IMMP1L: variants seen among roughly 807,000 people sequenced by gnomAD.
The protein encoded by IMMP1L is mitochondrial inner membrane protease subunit 1.
Under a neutral mutation model 21.8 loss-of-function variants are expected in IMMP1L, and 24 were observed. The ratio of observed to expected loss-of-function variants is 1.10; its 90% CI spans 0.80 to 1.55. The LOEUF (loss-of-function observed/expected upper bound fraction) is 1.55. Among genes scored for constraint, IMMP1L ranks in the 40% most tolerant of loss-of-function variants. The pLI is 0.00. For synonymous variants in IMMP1L, 46 were observed against 62.8 expected (o/e 0.73, Z 1.26); for missense variants, 195 against 200.7 (o/e 0.97, Z 0.17).
chr11:31,506,041 T>C (rs914614735), intron 1 of IMMP1L, among the ~76,000 whole-genome samples: 58 of 152,228 alleles, frequency 3.8e-4, no homozygotes, highest in African/African-American at 1.3e-3. Context: ...ACACCCCTGA[T>C]CCGCACACTG....
At chr11:31,479,780 T>C (rs1404247670) in intron 1 of IMMP1L, among the ~76,000 whole-genome samples, 2 of 152,082 alleles carry the variant, frequency 1.3e-5, no homozygotes, top group Non-Finnish European at 2.9e-5. Context: ...GCAGGTCTTA[T>C]ATTTTCCTAT....
At chr11:31,492,754 G>A (rs756240063) in intron 1 of IMMP1L, among the ~76,000 whole-genome samples, 44 of 152,164 alleles carry the variant, frequency 2.9e-4, no homozygotes, top group Non-Finnish European at 5.1e-4. Flanking sequence ...CAGCGAAGGA[G>A]AGCTGGGGGG....
At chr11:31,439,629 T>C (rs916208512) in intron 4 of IMMP1L, among the ~76,000 whole-genome samples, 1 of 152,238 alleles carries the variant, frequency 6.6e-6, no homozygotes, top group African/African-American at 2.4e-5. Context: ...ACTCACTTGC[T>C]GAGTAGATTT....
chr11:31,442,372 C>A (rs1299559644), intron 4 of IMMP1L, among the ~76,000 whole-genome samples: 1 of 152,122 alleles, frequency 6.6e-6, no homozygotes, highest in Non-Finnish European at 1.5e-5. Flanking sequence ...ACAGGTGTTA[C>A]CTTTCTTGAT....
chr11:31,501,788 T>TATAAATAAATAA (rs1399229827), intron 1 of IMMP1L, among the ~76,000 whole-genome samples: 1 of 127,862 alleles, frequency 7.8e-6, no homozygotes, highest in African/African-American at 3.3e-5. Flanking sequence ...ACCCCATCTC[T>TATAAATAAATAA]ACAAATAAAT....
intron 4 of IMMP1L, among the ~76,000 whole-genome samples, chr11:31,455,430 G>A (rs1317548816): frequency 6.6e-6 from 1 of 152,164 alleles, no homozygotes; most frequent in African/African-American, 2.4e-5. Flanking sequence ...GAAGCCATGT[G>A]ACTGGTGAAA....
At chr11:31,484,853 AT>A (rs1955021396) in intron 1 of IMMP1L, among the ~76,000 whole-genome samples, 1 of 151,820 alleles carries the variant, frequency 6.6e-6, no homozygotes, top group Non-Finnish European at 1.5e-5. Flanking sequence ...CTCTTGGCTT[AT>A]TTTTTTCCCA....
chr11:31,442,523 A>G (rs1237774922), intron 4 of IMMP1L, among the ~76,000 whole-genome samples: 2 of 152,224 alleles, frequency 1.3e-5, no homozygotes, highest in Non-Finnish European at 2.9e-5. Flanking sequence ...TTTGACCTTC[A>G]AAAGTTTCAA....
chr11:31,508,860 C>T (rs1039274619), intron 1 of IMMP1L, among the ~76,000 whole-genome samples: 1 of 152,124 alleles, frequency 6.6e-6, no homozygotes, highest in South Asian at 2.1e-4. Flanking sequence ...GTTTTTTCCA[C>T]ACATAAAATT....
rs552732361 is a variant in IMMP1L at position 31,448,580 on chromosome 11, G to C, written c.321+7680C>G. 9.9e-5 allele frequency among the ~76,000 whole-genome samples: 15 copies of C among 152,202 alleles called. No individual in the cohort carries two copies. The East Asian group carries it at 2.9e-3, about 29-fold the overall frequency. Reference sequence around the variant, plus strand: ...CTGCCTCTCTAGATTCATACCAATAGCACTAACTTTATAACTTTTGAGTGG... The same window carrying C: ...CTGCCTCTCTAGATTCATACCAATACCACTAACTTTATAACTTTTGAGTGG... On this transcript the variant is annotated intron_variant, in intron 4 of 5. Coordinates refer to ENST00000532287, the MANE Select transcript of IMMP1L (RefSeq NM_001304274.2).
intron 1 of IMMP1L, among the ~76,000 whole-genome samples, chr11:31,470,993 T>G (rs1954529612): frequency 6.6e-6 from 1 of 152,226 alleles, no homozygotes; most frequent in Non-Finnish European, 1.5e-5. Flanking sequence ...AAGGAGGGAC[T>G]GGCTAACAGA....
At chr11:31,438,989 G>T (rs1330869857) in intron 4 of IMMP1L, among the ~76,000 whole-genome samples, 2 of 152,084 alleles carry the variant, frequency 1.3e-5, no homozygotes. Flanking sequence ...ACACTTTAAA[G>T]ATTTCATTTT....
At position 31,463,200 on chromosome 11, in the gene IMMP1L, G is replaced by A; in HGVS notation, c.77C>T (p.Ala26Val). ...GACAACACCACCAACGTATTCAAAAGCACAATGAGCTATACAGCCATATTG... is the reference window on the plus strand; with the variant it reads ...GACAACACCACCAACGTATTCAAAAACACAATGAGCTATACAGCCATATTG... ...TIQYGCIAHC[A>V]FEYVGGVVMC... Residue 26 changes from alanine (A) to valine (V), a missense_variant, in exon 2 of 6, where the codon GCT (alanine) becomes GTT (valine). Coordinates refer to ENST00000532287, the MANE Select transcript of IMMP1L (RefSeq NM_001304274.2). 1 of 1,609,266 alleles carries A rather than the reference G, an allele frequency of 6.2e-7. No homozygotes were observed. The highest frequency in any genetic ancestry group is 1.1e-5 in the South Asian group (1 of 90,028).
At chr11:31,479,817 A>G (rs1954834517) in intron 1 of IMMP1L, among the ~76,000 whole-genome samples, 1 of 152,062 alleles carries the variant, frequency 6.6e-6, no homozygotes, top group Non-Finnish European at 1.5e-5. Context: ...AAATGGTGCA[A>G]CTAATAAAAA....
intron 1 of IMMP1L, among the ~76,000 whole-genome samples, chr11:31,501,113 A>T (rs932441248): frequency 2.6e-5 from 4 of 152,226 alleles, no homozygotes; most frequent in African/African-American, 9.6e-5. Flanking sequence ...TGTACTGGAC[A>T]GTGCAGATAC....
At chr11:31,497,108 A>C (rs919803540) in intron 1 of IMMP1L, among the ~76,000 whole-genome samples, 2 of 151,318 alleles carry the variant, frequency 1.3e-5, no homozygotes, top group East Asian at 1.9e-4. Flanking sequence ...ATGATTTTCA[A>C]CCTTATAATG....
In IMMP1L at chr11:31,433,622, A is replaced by G. The variant is rs755830243; in HGVS notation, c.322-52T>C. On this transcript the variant is annotated intron_variant, in intron 4 of 5. Transcript: ENST00000532287. ...CTTAAAGATAAAACCTAATTTGGGT[A>G]CTATAATTAAAAAGCATGTCATTCA... 3.3e-5 allele frequency: 37 copies of G among 1,126,278 alleles called. No individual in the cohort carries two copies. The Admixed American group carries it at 5.3e-4, about 16-fold the overall frequency. 69.8% of individuals were successfully genotyped at this position (1,126,278 alleles called of 1,614,324 possible). A position where few individuals can be genotyped will look rare whatever the true frequency, so the allele number is the denominator to read the frequency against.
intron 1 of IMMP1L, among the ~76,000 whole-genome samples, chr11:31,486,039 T>C (rs542884670): frequency 6.6e-6 from 1 of 151,818 alleles, no homozygotes; most frequent in Admixed American, 6.6e-5. Context: ...GGGCTTTAGA[T>C]GTGAAACTTT....
In IMMP1L at chr11:31,433,542, CCTT is replaced by C. The variant is rs777040082; in HGVS notation, c.347_349del (p.Glu116del). The C allele has an allele frequency of 3.7e-6, 6 of 1,611,570 alleles. No homozygotes were observed. Among genetic ancestry groups the C allele is most frequent in the Admixed American group, 1.7e-5 (1 of 59,954 alleles). On this transcript the variant is annotated inframe_deletion, in exon 5 of 6. Coordinates refer to ENST00000532287, the MANE Select transcript of IMMP1L (RefSeq NM_001304274.2). ...ATCTGTAGAATTCTGTAGATTGTCA[CCTT>C]CTAACCAAACATGACCCATTGGCAC...
Sources: allele counts gnomAD v4.1 joint callset (sites outside exome capture counted in the v4.1 genomes callset), GRCh38; gene constraint gnomAD v4.1.1; transcripts MANE v1.5; gene names NCBI Gene and HGNC (gene_info 2026-07-23, HGNC 2026-07-21).